TBX3: variants seen among roughly 807,000 people sequenced by gnomAD.
TBX3 encodes the protein T-box transcription factor TBX3.
TBX3 carries 11 observed loss-of-function variants against 47.8 expected under a neutral mutation model. That is an observed-to-expected ratio of 0.23 (90% CI 0.14 to 0.38). The LOEUF is 0.38. Among genes scored for constraint, TBX3 ranks in the 10% least tolerant of loss-of-function variants. TBX3 has a pLI of 1.00. For synonymous variants in TBX3, 500 were observed against 449.3 expected (o/e 1.11, Z -1.43); for missense variants, 927 against 1,022.8 (o/e 0.91, Z 1.28).
At chr12:114,680,032 C>T in intron 2 of TBX3, 1 of 1,571,478 alleles carries the variant, frequency 6.4e-7, no homozygotes, top group South Asian at 1.1e-5. Context: ...ACTTTAAGCG[C>T]CCACTAATTG....
rs555062169 is a variant in TBX3, at chr12:114,683,073, G to A, written c.128C>T (p.Ala43Val). 6.2e-6 allele frequency: 10 copies of A among 1,611,022 alleles called. No individual in the cohort carries two copies. The South Asian group carries it at 7.7e-5, about 12-fold the overall frequency. ...VLGHQPPFFP[A>V]LTLPPNGAAA... ...CGCGCCGTTGGGAGGCAGCGTCAGCGCGGGGAAGAACGGCGGCTGGTGACC... is the reference window on the plus strand; with the variant it reads ...CGCGCCGTTGGGAGGCAGCGTCAGCACGGGGAAGAACGGCGGCTGGTGACC... The change falls in exon 1 of 7, where the codon GCG becomes GTG. Residue 43 changes from alanine (A) to valine (V), a missense_variant. Physicochemically the swap from Ala to Val is moderately conservative, Grantham distance 64. This residue lies in a region of TBX3 where 216 missense variants were observed against 281.2 expected (regional missense o/e 0.77). Coordinates refer to ENST00000349155, the MANE Select transcript of TBX3 (RefSeq NM_005996.4). This position sits in a 1 kb window ranked among gnomAD's most constrained non-coding sequence, Gnocchi z 7.7.
chr12:114,678,864 G>C (rs957703151), intron 3 of TBX3, among the ~76,000 whole-genome samples: 2 of 151,626 alleles, frequency 1.3e-5, no homozygotes, highest in African/African-American at 4.9e-5. Context: ...GCCTGGGGGA[G>C]GGGGGGAATT....
At position 114,679,373 on chromosome 12, in the gene TBX3, G is replaced by T. The variant is rs933091971; in HGVS notation, c.804+132C>A. 2.3e-5 allele frequency: 29 copies of T among 1,281,428 alleles called. No homozygotes were observed. In the African/African-American group the frequency reaches 2.7e-4, roughly 12 times the overall value. 79.4% of individuals were successfully genotyped at this position (1,281,428 alleles called of 1,614,324 possible). A position where few individuals can be genotyped will look rare whatever the true frequency, so the allele number is the denominator to read the frequency against. Reference sequence around the variant, plus strand: ...GTGTCATTGTCCTTTCCCCCCAAATGCTCCACAAATCACAAAAGACAACTC... The same window carrying T: ...GTGTCATTGTCCTTTCCCCCCAAATTCTCCACAAATCACAAAAGACAACTC... On this transcript the variant is annotated intron_variant, in intron 3 of 6. Coordinates refer to ENST00000349155, the MANE Select transcript of TBX3 (RefSeq NM_005996.4).
Position 114,671,869 on chromosome 12 carries a change from G to A in TBX3, c.2144C>T (p.Pro715Leu). The A allele has an allele frequency of 6.4e-7, 1 of 1,560,656 alleles. No homozygotes were observed. The highest frequency in any genetic ancestry group is 8.7e-7 in the Non-Finnish European group (1 of 1,153,224). Residue 715 changes from proline (P) to leucine (L), a missense_variant, in exon 7 of 7, where the codon CCG becomes CTG. Around this residue, in one of 5 missense-constraint regions of TBX3, gnomAD observed 623 missense variants for 569.0 expected, o/e 1.09. Coordinates refer to ENST00000349155, the MANE Select transcript of TBX3 (RefSeq NM_005996.4). ...CGGGGACGCGCTGCGGGACCTGTCC[G>A]GCTTGGCTTCCAAGCCGCTAACCAA... is the stretch of plus-strand genomic sequence containing the variant. Reference protein sequence around the residue: ...QRLVSGLEAKPDRSRSASP With the variant: ...QRLVSGLEAKLDRSRSASP
At chr12:114,674,871 G>GCGTTATCT (rs769930807) in intron 5 of TBX3, 36 bp from the exon 6 acceptor site, 23 of 1,546,014 alleles carry the variant, frequency 1.5e-5, no homozygotes, top group Admixed American at 1.9e-5. Context: ...AGGCAGAAGG[G>GCGTTATCT]CGTTATCTCC....
In TBX3 at chr12:114,671,791, G is replaced by A; in HGVS notation, c.*50C>T. ...TGGTTTATTTTATATCCGACAAAGTGCACGGCAGCCTGAACTGGACTGGAA... is the reference window on the plus strand; with the variant it reads ...TGGTTTATTTTATATCCGACAAAGTACACGGCAGCCTGAACTGGACTGGAA... On this transcript the variant is annotated 3_prime_UTR_variant, in exon 7 of 7. Coordinates refer to ENST00000349155, the MANE Select transcript of TBX3 (RefSeq NM_005996.4). 1 of 1,543,836 alleles carries A rather than the reference G, an allele frequency of 6.5e-7. No individual in the cohort carries two copies.
In TBX3 at chr12:114,684,090, G is replaced by GAGAT. The variant is rs1328596392; in HGVS notation, c.-891_-890insATCT. The GAGAT allele has an allele frequency of 1.6e-4, 38 of 231,938 alleles. No homozygotes were observed. Among genetic ancestry groups the GAGAT allele is most frequent in the Non-Finnish European group, 7.7e-5 (9 of 117,434 alleles). 14.4% of individuals were successfully genotyped at this position (231,938 alleles called of 1,614,324 possible). The stretch of plus-strand genomic sequence containing the variant: ...GGGAGGGGAGAGAGAGAGAGAGAGA[G>GAGAT]AGAGACGGAGTCGGAGAGGGAGGGA... On this transcript the variant is annotated 5_prime_UTR_variant, in exon 1 of 7. Coordinates refer to ENST00000349155, the MANE Select transcript of TBX3 (RefSeq NM_005996.4).
chr12:114,672,930 A>C (rs1269484683), intron 6 of TBX3, among the ~76,000 whole-genome samples: 4 of 152,228 alleles, frequency 2.6e-5, no homozygotes. Flanking sequence ...CATTTGTTAT[A>C]AACAGAGACA....
At position 114,679,862 on chromosome 12, in the gene TBX3, C is replaced by A. The variant is rs758821671; in HGVS notation, c.658-211G>T. ...ATTGCTCCTCAGTTGCCAAAGGGCC[C>A]CCCCCACCCTCACCATCTAAGGATC... On this transcript the variant is annotated intron_variant, in intron 2 of 6. Transcript: ENST00000349155. 1.9e-6 allele frequency: 3 copies of A among 1,599,770 alleles called. No individual in the cohort carries two copies. The African/African-American group carries it at 4.0e-5, about 22-fold the overall frequency.
chr12:114,674,967 G>T, intron 5 of TBX3, 132 bp from the exon 6 acceptor site: 2 of 1,205,332 alleles, frequency 1.7e-6, no homozygotes, highest in Non-Finnish European at 2.4e-6. Context: ...AAGCCCCTTA[G>T]CCTCTCTGCA....
chr12:114,676,216 T>C (rs1214585970), intron 5 of TBX3, 97 bp downstream of exon 5: 2 of 1,528,764 alleles, frequency 1.3e-6, no homozygotes, highest in African/African-American at 2.7e-5. Context: ...TTCTAGCTTT[T>C]AAAGGGCAAG....
Position 114,683,498 on chromosome 12 carries a change from T to C in TBX3, c.-298A>G. On this transcript the variant is annotated 5_prime_UTR_variant, in exon 1 of 7. Transcript: ENST00000349155. This position sits in a 1 kb window ranked among gnomAD's most constrained non-coding sequence, Gnocchi z 7.7. ...CCTTGCGTTTTTAAAAAGCCGCTCC[T>C]GAACGTCGGTTTCAGAAGCGAGAGG... is the stretch of plus-strand genomic sequence containing the variant. 5.0e-6 allele frequency: 2 copies of C among 399,458 alleles called. No homozygotes were observed. Among genetic ancestry groups the C allele is most frequent in the Non-Finnish European group, 9.0e-6 (2 of 222,274 alleles). The allele number at this position is 399,458 out of a possible 1,614,324, so 24.7% of individuals were successfully genotyped here.
At position 114,671,866 on chromosome 12, in the gene TBX3, T is replaced by C. The variant is rs1592845959; in HGVS notation, c.2147A>G (p.Asp716Gly). The C allele has an allele frequency of 6.4e-7, 1 of 1,559,880 alleles. No individual in the cohort carries two copies. The highest frequency in any genetic ancestry group is 8.7e-7 in the Non-Finnish European group (1 of 1,152,736). ...CTACGGGGACGCGCTGCGGGACCTG[T>C]CCGGCTTGGCTTCCAAGCCGCTAAC... ...RLVSGLEAKP[D>G]RSRSASP Residue 716 changes from aspartate (D) to glycine (G), a missense_variant, in exon 7 of 7, where the codon GAC (aspartate) becomes GGC (glycine). By Grantham distance (94) the Asp-to-Gly change is moderately conservative. This residue lies in a region of TBX3 where 623 missense variants were observed against 569.0 expected (regional missense o/e 1.09). Coordinates refer to ENST00000349155, the MANE Select transcript of TBX3 (RefSeq NM_005996.4).
Position 114,683,303 on chromosome 12 carries a change from G to A in TBX3, c.-103C>T. On this transcript the variant is annotated 5_prime_UTR_variant, in exon 1 of 7. Transcript: ENST00000349155. The surrounding 1 kb of genome is among the most constrained non-coding windows in gnomAD (Gnocchi z 7.7). ...TTAACAGCAGCACATAATTCAAAAG[G>A]GGGGAAAAAGCAAAACAAAAAAGAA... is the stretch of plus-strand genomic sequence containing the variant. 1 of 1,476,304 alleles carries A rather than the reference G, an allele frequency of 6.8e-7. No homozygotes were observed. The highest frequency in any genetic ancestry group is 1.4e-5 in the African/African-American group (1 of 70,788). The allele number at this position is 1,476,304 out of a possible 1,614,324, so 91.5% of individuals were successfully genotyped here.
chr12:114,680,515 T>C (rs951117429), intron 2 of TBX3: 5 of 350,020 alleles, frequency 1.4e-5, no homozygotes, highest in African/African-American at 6.3e-5. Flanking sequence ...ATATCACTGG[T>C]TTCAAAACAG....
chr12:114,673,706 C>G (rs1868557602), intron 6 of TBX3, among the ~76,000 whole-genome samples: 1 of 152,180 alleles, frequency 6.6e-6, no homozygotes. Flanking sequence ...CAAAGAGGCC[C>G]TGGAGTCAGA....
At chr12:114,678,020 T>TCACACACACACACACA (rs3068592) in intron 3 of TBX3, among the ~76,000 whole-genome samples, 2 of 144,164 alleles carry the variant, frequency 1.4e-5, no homozygotes, top group South Asian at 2.3e-4. Flanking sequence ...CATACTCCCT[T>TCACACACACACACACA]CACACACACA....
In TBX3 at chr12:114,672,063, C is replaced by G. The variant is rs992982587; in HGVS notation, c.1950G>C (p.Leu650=). ...CGGCCAGGGCGGCGACTTTGCCGTC[C>G]AGGGGCCCCGCGGCCGCCGCCATGG... ...LPSMAAAAGP[L]DGKVAALAAS... is the part of the protein sequence containing the mutation. Residue 650 remains leucine (L), a synonymous_variant, in exon 7 of 7, where the codon CTG becomes CTC. Coordinates refer to ENST00000349155, the MANE Select transcript of TBX3 (RefSeq NM_005996.4). 3 of 1,570,492 alleles carry G rather than the reference C, an allele frequency of 1.9e-6. No individual in the cohort carries two copies. Among genetic ancestry groups the G allele is most frequent in the African/African-American group, 1.4e-5 (1 of 73,862 alleles).
rs772620679 is a variant in TBX3 at position 114,674,326 on chromosome 12, C to G, written c.1549G>C (p.Ala517Pro). 8 of 1,568,754 alleles carry G rather than the reference C, an allele frequency of 5.1e-6. No individual in the cohort carries two copies. The Admixed American group carries it at 1.3e-4, about 26-fold the overall frequency. ...GTGGCCAGGAGGGGACCCATGCCAG[C>G]GGCCGCCATGCTGGAGAAGGCGCCC... Reference protein sequence around the residue: ...MGGAFSSMAAAGMGPLLATVS... With the variant: ...MGGAFSSMAAPGMGPLLATVS... The change falls in exon 6 of 7, where the codon GCT (alanine) becomes CCT (proline). Residue 517 changes from alanine (A) to proline (P), a missense_variant. Transcript: ENST00000349155.
Sources: gnomAD v4.1 joint callset for allele counts (sites outside exome capture counted in the v4.1 genomes callset) on GRCh38, gnomAD v4.1.1 for gene constraint, gnomAD v4.1.1 regional missense constraint, Gnocchi (gnomAD v3.1) non-coding constraint, MANE v1.5 for transcripts, NCBI Gene and HGNC (gene_info 2026-07-23, HGNC 2026-07-21) for gene names.